MDN1: variants seen among roughly 807,000 people sequenced by gnomAD.
MDN1 encodes the protein midasin AAA ATPase 1, also known as midasin.
Under a neutral mutation model 669.2 loss-of-function variants are expected in MDN1, and 266 were observed. That is an observed-to-expected ratio of 0.40 (90% CI 0.36 to 0.44). The LOEUF is 0.44. Ranked by LOEUF, MDN1 falls within the 20% of genes least tolerant of loss-of-function variation. The pLI is 1.00. For synonymous variants in MDN1, 2,385 were observed against 2,457.1 expected (o/e 0.97, Z 0.87); for missense variants, 5,940 against 6,754.0 (o/e 0.88, Z 4.22).
chr6:89,795,785 T>C (rs1819560797), intron 2 of MDN1, among the ~76,000 whole-genome samples: 2 of 151,558 alleles, frequency 1.3e-5, no homozygotes, highest in African/African-American at 4.9e-5. Context: ...AAACCCCATC[T>C]CTACTAAAAA....
At chr6:89,674,660 A>C in intron 78 of MDN1, 71 bp from the exon 79 acceptor site, 1 of 1,485,692 alleles carries the variant, frequency 6.7e-7, no homozygotes, top group Non-Finnish European at 8.9e-7. Context: ...TTGTTTTAAA[A>C]GAAATTTGTG....
chr6:89,748,580 T>C (rs767110299), intron 26 of MDN1, among the ~76,000 whole-genome samples: 1 of 152,188 alleles, frequency 6.6e-6, no homozygotes, highest in Non-Finnish European at 1.5e-5. Context: ...TCAAGGACTA[T>C]ATCCATTTAA....
chr6:89,646,651 T>C (rs1436744806), intron 99 of MDN1, 48 bp from the exon 100 acceptor site: 5 of 1,497,262 alleles, frequency 3.3e-6, no homozygotes, highest in Non-Finnish European at 4.7e-6. Flanking sequence ...GTGAATGCTC[T>C]TCTCATTGTC....
intron 9 of MDN1, among the ~76,000 whole-genome samples, 165 bp from the exon 10 acceptor site, chr6:89,781,757 A>C (rs554450659): frequency 7.4e-6 from 1 of 134,734 alleles, no homozygotes; most frequent in East Asian, 2.2e-4. Flanking sequence ...CTGAGAAACC[A>C]AGGCAGAGGA....
chr6:89,758,356 T>C lies in MDN1; in HGVS notation c.2606-5A>G. ...CAGGATGCCGAACCAGTGGCTCTGT[T>C]AAGAGAAAATTACAAATTCTCAACA... On this transcript the variant is annotated splice_polypyrimidine_tract_variant and splice_region_variant and intron_variant, in intron 18 of 101. Transcript: ENST00000369393. 6.3e-7 allele frequency: 1 copy of C among 1,596,546 alleles called. No homozygotes were observed. The highest frequency in any genetic ancestry group is 8.6e-7 in the Non-Finnish European group (1 of 1,168,792).
At chr6:89,802,560 C>G (rs1483268985) in intron 2 of MDN1, among the ~76,000 whole-genome samples, 1 of 152,064 alleles carries the variant, frequency 6.6e-6, no homozygotes, top group Non-Finnish European at 1.5e-5. Context: ...GTGTGCGCGC[C>G]TGTAGTCCCA....
At chr6:89,765,443 ATG>A in intron 15 of MDN1, among the ~76,000 whole-genome samples, 1 of 152,302 alleles carries the variant, frequency 6.6e-6, no homozygotes, top group Middle Eastern at 3.4e-3. Context: ...AACAAAATAT[ATG>A]TGTCATTTAA....
At chr6:89,814,956 T>G (rs1768715377) in intron 1 of MDN1, 1 of 491,630 alleles carries the variant, frequency 2.0e-6, no homozygotes, top group Non-Finnish European at 3.8e-6. Context: ...GCACCCTGGG[T>G]GCCATGTCAC....
rs752345711 is a variant in MDN1 at position 89,793,902 on chromosome 6, T to C, written c.715A>G (p.Asn239Asp). The stretch of plus-strand genomic sequence containing the variant: ...TTACGCCAAAGGGAGACTTCTGGAT[T>C]GGCCAAAACCAAGGCCTTCTCCAAG... ...QDLEKALVLA[N>D]PEVSLWRKQK... The change falls in exon 5 of 102, where the codon AAT becomes GAT. Residue 239 changes from asparagine (N) to aspartate (D), a missense_variant. Coordinates refer to ENST00000369393, the MANE Select transcript of MDN1 (RefSeq NM_014611.3). The C allele has an allele frequency of 6.2e-7, 1 of 1,614,020 alleles. No homozygotes were observed. The highest frequency in any genetic ancestry group is 1.3e-5 in the African/African-American group (1 of 74,942).
Position 89,745,581 on chromosome 6 carries a change from T to C in MDN1, c.3950A>G (p.Asp1317Gly), listed in dbSNP as rs757713319. ...AGRVRKQEEI[D>G]VIQEVLEKHF... Reference sequence around the variant, plus strand: ...TTTCTCAAGGACTTCTTGAATCACATCAATTTCCTCCTGCTTCCTGACTCG... The same window carrying C: ...TTTCTCAAGGACTTCTTGAATCACACCAATTTCCTCCTGCTTCCTGACTCG... The change falls in exon 28 of 102, where the codon GAT (aspartate) becomes GGT (glycine). Residue 1317 changes from aspartate to glycine, a missense_variant. Transcript: ENST00000369393. 1.9e-6 allele frequency: 3 copies of C among 1,614,116 alleles called. No homozygotes were observed. Among genetic ancestry groups the C allele is most frequent in the Middle Eastern group, 1.6e-4 (1 of 6,062 alleles).
chr6:89,723,283 C>T, intron 39 of MDN1, 140 bp from the exon 40 acceptor site: 1 of 873,034 alleles, frequency 1.1e-6, no homozygotes, highest in South Asian at 1.7e-5. Flanking sequence ...TTTCTCAAGA[C>T]TTCCAAATGC....
At chr6:89,755,201 C>A (rs145052334) in intron 20 of MDN1, among the ~76,000 whole-genome samples, 1 of 152,074 alleles carries the variant, frequency 6.6e-6, no homozygotes, top group African/African-American at 2.4e-5. Flanking sequence ...TTGTGGTAAA[C>A]CATTCTGAAG....
intron 2 of MDN1, among the ~76,000 whole-genome samples, chr6:89,802,590 C>T (rs1456267698): frequency 6.6e-6 from 1 of 151,934 alleles, no homozygotes; most frequent in East Asian, 1.9e-4. Context: ...GAGGCTGAGG[C>T]AGGAGAATCA....
At chr6:89,680,535 G>A in intron 74 of MDN1, 54 bp downstream of exon 74, 1 of 1,588,748 alleles carries the variant, frequency 6.3e-7, no homozygotes, top group Non-Finnish European at 8.6e-7. Context: ...CAGCCCTCCT[G>A]CGCCACTGGG....
intron 77 of MDN1, 131 bp from the exon 78 acceptor site, chr6:89,675,710 G>T (rs1222269697): frequency 7.2e-6 from 5 of 690,584 alleles, no homozygotes; most frequent in Non-Finnish European, 9.7e-6. Context: ...TCATTTTTTT[G>T]AGCAGTGTTT....
intron 100 of MDN1, 57 bp downstream of exon 100, chr6:89,646,483 G>C (rs931589364): frequency 2.8e-6 from 4 of 1,449,340 alleles, no homozygotes; most frequent in Middle Eastern, 1.7e-4. Context: ...CAAGCAGCTT[G>C]GGAATATAGA....
At chr6:89,689,843 G>T in intron 65 of MDN1, 27 bp downstream of exon 65, 2 of 1,603,374 alleles carry the variant, frequency 1.2e-6, no homozygotes, top group African/African-American at 1.3e-5. Context: ...CATTTCCCAG[G>T]GGCATAACAA....
intron 85 of MDN1, 87 bp downstream of exon 85, chr6:89,664,400 T>C (rs954733219): frequency 7.3e-6 from 11 of 1,511,936 alleles, no homozygotes; most frequent in African/African-American, 2.8e-5. Context: ...AAAGATTATA[T>C]TGGGTTCCTT....
intron 59 of MDN1, among the ~76,000 whole-genome samples, chr6:89,696,929 T>C (rs574334376): frequency 2.0e-5 from 3 of 152,112 alleles, no homozygotes; most frequent in African/African-American, 7.2e-5. Flanking sequence ...AGGGACAAAA[T>C]ATGCCATGTC....
Sources: gnomAD v4.1 joint callset for allele counts (sites outside exome capture counted in the v4.1 genomes callset) on GRCh38, gnomAD v4.1.1 for gene constraint, MANE v1.5 for transcripts, NCBI Gene and HGNC (gene_info 2026-07-23, HGNC 2026-07-21) for gene names.